IPO5: variants seen among roughly 807,000 people sequenced by gnomAD.
The protein encoded by IPO5 is importin 5.
A neutral mutation model predicts 143.3 loss-of-function variants in IPO5; 18 were observed. The ratio of observed to expected loss-of-function variants is 0.13; its 90% CI spans 0.09 to 0.19. The LOEUF is 0.19. IPO5 is among the 10% of genes least tolerant of loss of function. The probability of loss-of-function intolerance (pLI) is 1.00; values close to 1 mark genes in which losing one functional copy is unlikely to be tolerated. For synonymous variants in IPO5, 477 were observed against 465.7 expected, an observed-to-expected ratio of 1.02 and a Z score of -0.31; for missense variants, 1,013 against 1,336.9, an observed-to-expected ratio of 0.76 and a Z score of 3.78.
At chr13:97,997,495 C>T (rs766590629) in intron 11 of IPO5, 36 bp from the exon 12 acceptor site, 1 of 1,194,992 alleles carries the variant, frequency 8.4e-7, no homozygotes, top group Non-Finnish European at 1.2e-6. Flanking sequence ...AAGATAAAGT[C>T]ACAGTCTTCG....
At chr13:98,009,460 T>G (rs1303522849) in intron 18 of IPO5, among the ~76,000 whole-genome samples, 1 of 152,202 alleles carries the variant, frequency 6.6e-6, no homozygotes, top group Non-Finnish European at 1.5e-5. Flanking sequence ...AAATGTTTAA[T>G]GAATGGAGTG....
chr13:97,973,212 T>C (rs1316059974), intron 3 of IPO5, among the ~76,000 whole-genome samples: 1 of 151,972 alleles, frequency 6.6e-6, no homozygotes, highest in African/African-American at 2.4e-5. Flanking sequence ...CCAGCTGATT[T>C]TTTTTTTGTA....
At chr13:98,014,738 C>T (rs1263764629) in intron 22 of IPO5, among the ~76,000 whole-genome samples, 1 of 152,028 alleles carries the variant, frequency 6.6e-6, no homozygotes, top group East Asian at 1.9e-4. Context: ...AGAAGAAATT[C>T]TGAATACTCT....
At chr13:97,953,745 A>G (rs1230985601) in intron 1 of IPO5, 29 bp downstream of exon 1, 1 of 325,310 alleles carries the variant, frequency 3.1e-6, no homozygotes. Flanking sequence ...TCACATTCAG[A>G]TGAAACCATT....
chr13:97,976,905 CGGCGGCCGCGCAGCCCACGTGTGA>C (rs1217498112), intron 4 of IPO5, 119 bp downstream of exon 4: 2 of 187,980 alleles, frequency 1.1e-5, no homozygotes, highest in African/African-American at 4.8e-5. Flanking sequence ...GCCCGGCGGG[CGGCGGCCGCGCAGCCCACGTGTGA>C]GGCGGCCCGC....
intron 3 of IPO5, 169 bp downstream of exon 3, chr13:97,969,999 A>G (rs1885688026): frequency 1.7e-6 from 1 of 591,402 alleles, no homozygotes; most frequent in Non-Finnish European, 3.0e-6. Flanking sequence ...ACACCCAGCC[A>G]AAAGTCACTT....
intron 5 of IPO5, among the ~76,000 whole-genome samples, chr13:97,983,965 CTTTTTTTTTTTT>C (rs71117684): frequency 1.7e-4 from 8 of 45,846 alleles, no homozygotes; most frequent in Middle Eastern, 0.023. Flanking sequence ...AGGGTAACTT[CTTTTTTTTTTTT>C]TTTTTTTTTT....
chr13:98,017,241 C>CATAT (rs140562728), intron 25 of IPO5, among the ~76,000 whole-genome samples: 7,800 of 148,062 alleles, frequency 0.053, 398 homozygotes, highest in East Asian at 0.3. Context: ...GGATAATGGG[C>CATAT]ATATATATAT....
chr13:97,971,936 C>T (rs1440596382), intron 3 of IPO5, among the ~76,000 whole-genome samples: 7 of 152,242 alleles, frequency 4.6e-5, no homozygotes, highest in Middle Eastern at 3.4e-3. Flanking sequence ...TCAAAACACT[C>T]CTATGAAGAA....
chr13:98,020,962 A>C (rs1439580693), intron 27 of IPO5, 30 bp from the exon 28 acceptor site: 5 of 1,570,234 alleles, frequency 3.2e-6, no homozygotes, highest in Admixed American at 1.8e-5. Context: ...TATAAATTTC[A>C]CTTACTAAGG....
chr13:98,023,613 C>G lies in IPO5; in HGVS notation c.*1791C>G, dbSNP rs1187335849. On this transcript the variant is annotated 3_prime_UTR_variant, in exon 29 of 29. Coordinates refer to ENST00000651721, the MANE Select transcript of IPO5 (RefSeq NM_002271.6). Reference sequence around the variant, plus strand: ...AGTGTTTGCTGGGCACTATGCTAAGCACTTTGGGAGCAAGAACCTCCTACC... The same window carrying G: ...AGTGTTTGCTGGGCACTATGCTAAGGACTTTGGGAGCAAGAACCTCCTACC... The G allele has an allele frequency of 1.3e-5, 2 of 152,206 alleles. 1 individual carries two copies. The highest frequency in any genetic ancestry group is 4.1e-4 in the South Asian group (2 of 4,832). The allele number at this position is 152,206 out of a possible 1,614,324, so 9.4% of individuals were successfully genotyped here.
Position 98,006,188 on chromosome 13 carries a change from T to C in IPO5, c.1556T>C (p.Val519Ala). The change falls in exon 17 of 29, where the codon GTT becomes GCT. Residue 519 changes from valine (V) to alanine (A), a missense_variant. Physicochemically the swap from Val to Ala is moderately conservative, Grantham distance 64. Coordinates refer to ENST00000651721, the MANE Select transcript of IPO5 (RefSeq NM_002271.6). ...CAAGTTGTGACATCCATTGCATCAG[T>C]TGCCGATACTGCAGAAGAAAAATTT... ...LEQVVTSIAS[V>A]ADTAEEKFVP... The C allele has an allele frequency of 6.2e-7, 1 of 1,613,922 alleles. No individual in the cohort carries two copies. The highest frequency in any genetic ancestry group is 8.5e-7 in the Non-Finnish European group (1 of 1,179,916).
At chr13:98,020,867 A>T in intron 27 of IPO5, 125 bp from the exon 28 acceptor site, 1 of 663,032 alleles carries the variant, frequency 1.5e-6, no homozygotes, top group Non-Finnish European at 2.5e-6. Flanking sequence ...GAAACTAAAG[A>T]GTTCATATAT....
Position 97,993,113 on chromosome 13 carries a change from A to C in IPO5, c.801A>C (p.Gly267=). The C allele has an allele frequency of 6.2e-7, 1 of 1,614,070 alleles. No individual in the cohort carries two copies. The highest frequency in any genetic ancestry group is 8.5e-7 in the Non-Finnish European group (1 of 1,179,960). ...ATATGTCTTCTTTGTAGTTGTGTGG[A>C]GACACTAGCCTCAACAATATGCAAC... ...ATLQLSLKLC[G]DTSLNNMQRQ... The change falls in exon 11 of 29, where the codon GGA becomes GGC. Residue 267 remains glycine, a synonymous_variant. Coordinates refer to ENST00000651721, the MANE Select transcript of IPO5 (RefSeq NM_002271.6).
At chr13:97,954,385 T>C (rs1271331755) in intron 2 of IPO5, among the ~76,000 whole-genome samples, 187 bp downstream of exon 2, 1 of 152,244 alleles carries the variant, frequency 6.6e-6, no homozygotes, top group African/African-American at 2.4e-5. Flanking sequence ...CCTGCTTTCC[T>C]ATAGGGAGAA....
intron 6 of IPO5, among the ~76,000 whole-genome samples, chr13:97,987,539 T>G (rs1887473424): frequency 6.6e-6 from 1 of 152,224 alleles, no homozygotes; most frequent in Admixed American, 6.5e-5. Context: ...ATTAATTTTT[T>G]TAGACAGTTT....
intron 26 of IPO5, among the ~76,000 whole-genome samples, chr13:98,019,036 A>G (rs1594136071): frequency 6.6e-6 from 1 of 151,602 alleles, no homozygotes; most frequent in African/African-American, 2.4e-5. Flanking sequence ...GCTCACTGCA[A>G]CCTCCGCCTC....
At chr13:97,981,096 A>C (rs1886804430) in intron 4 of IPO5, 1 of 329,468 alleles carries the variant, frequency 3.0e-6, no homozygotes, top group African/African-American at 2.2e-5. Context: ...AAATAAATTC[A>C]AACCATCTTC....
chr13:98,001,929 G>T (rs1254580489), intron 13 of IPO5: 1 of 149,560 alleles, frequency 6.7e-6, no homozygotes, highest in Non-Finnish European at 1.5e-5. Context: ...CATACTTTTA[G>T]AATCAAGTAG....
Sources: gnomAD v4.1 joint callset for allele counts (sites outside exome capture counted in the v4.1 genomes callset) on GRCh38, gnomAD v4.1.1 for gene constraint, MANE v1.5 for transcripts, NCBI Gene and HGNC (gene_info 2026-07-23, HGNC 2026-07-21) for gene names.